The following FOXP2 variants were observed in gnomAD, a reference collection of about 807,000 sequenced individuals.
FOXP2 encodes forkhead box protein P2.
A neutral mutation model predicts 115.8 loss-of-function variants in FOXP2; 12 were observed. The ratio of observed to expected loss-of-function variants is 0.10; its 90% confidence interval spans 0.07 to 0.17. The LOEUF (loss-of-function observed/expected upper bound fraction) is 0.17, where lower values mean the gene tolerates loss of function less well. FOXP2 is among the 10% of genes least tolerant of loss of function. FOXP2 has a pLI of 1.00. For synonymous variants in FOXP2, 328 were observed against 297.7 expected, an observed-to-expected ratio of 1.10 and a Z score of -1.05; for missense variants, 629 against 843.5, an observed-to-expected ratio of 0.75 and a Z score of 3.15.
intron 1 of FOXP2, among the ~76,000 whole-genome samples, chr7:114,097,542 A>G (rs917949425): frequency 6.6e-6 from 1 of 152,224 alleles, no homozygotes; most frequent in Non-Finnish European, 1.5e-5. Context: ...AAGTTTTTAT[A>G]TAGCCTTAAG....
intron 2 of FOXP2, among the ~76,000 whole-genome samples, chr7:114,461,378 ATTAC>A (rs1795552959): frequency 6.6e-6 from 1 of 152,044 alleles, no homozygotes. Context: ...TGTATGGGTC[ATTAC>A]TTAACCATTG....
intron 2 of FOXP2, among the ~76,000 whole-genome samples, chr7:114,484,847 A>G (rs945195335): frequency 1.3e-5 from 2 of 151,970 alleles, no homozygotes; most frequent in African/African-American, 4.8e-5. Context: ...GAAGTTAGCT[A>G]TAAAGAATAG....
At chr7:114,651,772 A>G (rs916583914) in intron 8 of FOXP2, among the ~76,000 whole-genome samples, 1 of 152,146 alleles carries the variant, frequency 6.6e-6, no homozygotes, top group African/African-American at 2.4e-5. Flanking sequence ...TCCCAATGAA[A>G]TAAAACATTG....
intron 2 of FOXP2, among the ~76,000 whole-genome samples, chr7:114,371,132 T>G (rs1295275420): frequency 6.6e-6 from 1 of 152,158 alleles, no homozygotes; most frequent in East Asian, 1.9e-4. Flanking sequence ...AGGCCTCTTT[T>G]GGCAGTGGTA....
At chr7:114,226,882 A>C (rs1414719950) in intron 1 of FOXP2, among the ~76,000 whole-genome samples, 2 of 152,058 alleles carry the variant, frequency 1.3e-5, no homozygotes, top group African/African-American at 4.8e-5. Context: ...CCAAGATAGA[A>C]ATTCTTACTT....
chr7:114,441,457 A>C (rs1433257381), intron 2 of FOXP2, among the ~76,000 whole-genome samples: 2 of 152,280 alleles, frequency 1.3e-5, no homozygotes, highest in South Asian at 2.1e-4. Context: ...CATCTCAAAA[A>C]AAAAAATTGG....
chr7:114,383,422 C>G (rs1169733984), intron 2 of FOXP2, among the ~76,000 whole-genome samples: 1 of 151,838 alleles, frequency 6.6e-6, no homozygotes, highest in Non-Finnish European at 1.5e-5. Flanking sequence ...GAAGGGGGGT[C>G]CTTATTAGTT....
At chr7:114,535,786 GAGA>G (rs1175332114) in intron 3 of FOXP2, among the ~76,000 whole-genome samples, 1 of 151,676 alleles carries the variant, frequency 6.6e-6, no homozygotes, top group Non-Finnish European at 1.5e-5. Flanking sequence ...GAGGGTGGAT[GAGA>G]AGAAGAGGGA....
intron 1 of FOXP2, among the ~76,000 whole-genome samples, chr7:114,112,513 G>C (rs985244532): frequency 1.3e-5 from 2 of 152,046 alleles, no homozygotes; most frequent in African/African-American, 4.8e-5. Flanking sequence ...TGCCCAGGCT[G>C]GTCTCAAGCC....
chr7:114,259,689 C>T (rs943728634), intron 1 of FOXP2, among the ~76,000 whole-genome samples: 2 of 151,752 alleles, frequency 1.3e-5, no homozygotes, highest in Non-Finnish European at 2.9e-5. Context: ...TATGACATTG[C>T]GAAAAAAGAT....
intron 1 of FOXP2, among the ~76,000 whole-genome samples, chr7:114,116,898 T>A (rs1791422619): frequency 6.6e-6 from 1 of 152,082 alleles, no homozygotes; most frequent in African/African-American, 2.4e-5. Context: ...GAATCTCAAG[T>A]CCCACCCAGT....
At chr7:114,446,840 C>T (rs1433076590) in intron 2 of FOXP2, among the ~76,000 whole-genome samples, 2 of 151,752 alleles carry the variant, frequency 1.3e-5, no homozygotes, top group Non-Finnish European at 2.9e-5. Context: ...CCTCCACCTC[C>T]TGGGTTCAAG....
At chr7:114,511,853 C>G (rs190932815) in intron 2 of FOXP2, among the ~76,000 whole-genome samples, 4 of 152,066 alleles carry the variant, frequency 2.6e-5, no homozygotes, top group Admixed American at 2.6e-4. Context: ...TCTGCATAAT[C>G]ATTTACTTTG....
intron 2 of FOXP2, among the ~76,000 whole-genome samples, chr7:114,490,882 C>A (rs964931223): frequency 6.6e-5 from 10 of 152,146 alleles, no homozygotes; most frequent in Non-Finnish European, 1.2e-4. Context: ...ATATGTGCCA[C>A]ATTTTCTTAA....
intron 2 of FOXP2, among the ~76,000 whole-genome samples, chr7:114,533,260 A>G (rs1213307370): frequency 1.3e-5 from 2 of 151,902 alleles, no homozygotes; most frequent in East Asian, 1.9e-4. Context: ...TTTGGTTTCT[A>G]TGTCTGCCTG....
At chr7:114,492,036 G>A (rs1380440474) in intron 2 of FOXP2, among the ~76,000 whole-genome samples, 1 of 152,116 alleles carries the variant, frequency 6.6e-6, no homozygotes, top group African/African-American at 2.4e-5. Context: ...GAATCCATCT[G>A]GTCCTGGACT....
chr7:114,375,034 A>G (rs1438695650), intron 2 of FOXP2, among the ~76,000 whole-genome samples: 1 of 152,166 alleles, frequency 6.6e-6, no homozygotes, highest in Non-Finnish European at 1.5e-5. Context: ...GTGGAAACAC[A>G]GAAAAGTTAT....
At chr7:114,578,916 T>C (rs1469981176) in intron 3 of FOXP2, among the ~76,000 whole-genome samples, 1 of 152,122 alleles carries the variant, frequency 6.6e-6, no homozygotes, top group Non-Finnish European at 1.5e-5. Context: ...GGACTTCAGC[T>C]AGGAGAAAAA....
At chr7:114,650,625 C>G (rs893791019) in intron 8 of FOXP2, among the ~76,000 whole-genome samples, 1 of 152,026 alleles carries the variant, frequency 6.6e-6, no homozygotes, top group Admixed American at 6.6e-5. Flanking sequence ...CTGGCTTACT[C>G]TCACATTCCA....
Sources: allele counts gnomAD v4.1 joint callset (sites outside exome capture counted in the v4.1 genomes callset), GRCh38; gene constraint gnomAD v4.1.1; transcripts MANE v1.5; gene names NCBI Gene and HGNC (gene_info 2026-07-23, HGNC 2026-07-21).